The following ATOSA variants were observed in gnomAD, a reference collection of about 807,000 sequenced individuals.
ATOSA encodes the protein atos homolog A, also known as atos homolog protein A.
the ATOSA span, among the ~76,000 whole-genome samples, chr15:52,616,117 A>G: frequency 6.6e-6 from 1 of 152,210 alleles, no homozygotes; most frequent in Non-Finnish European, 1.5e-5. Context: ...CCAAATACAT[A>G]TTATAACGTA....
At chr15:52,614,511 C>G in the ATOSA span, among the ~76,000 whole-genome samples, 1 of 151,952 alleles carries the variant, frequency 6.6e-6, no homozygotes, top group Non-Finnish European at 1.5e-5. Flanking sequence ...AAAAACAACT[C>G]ATTATTCAGA....
chr15:52,625,432 T>C, the ATOSA span, among the ~76,000 whole-genome samples: 1 of 152,206 alleles, frequency 6.6e-6, no homozygotes, highest in Non-Finnish European at 1.5e-5. Flanking sequence ...TATTTTCTAA[T>C]ATGAAAATAC....
At chr15:52,643,529 T>A in the ATOSA span, among the ~76,000 whole-genome samples, 3 of 149,950 alleles carry the variant, frequency 2.0e-5, no homozygotes, top group African/African-American at 7.4e-5. Context: ...GCTCAAGTGA[T>A]CCTCCTGCCT....
At chr15:52,613,589 T>C in the ATOSA span, 31 of 1,367,952 alleles carry the variant, frequency 2.3e-5, no homozygotes, top group Non-Finnish European at 3.0e-5. Context: ...AATATGACAA[T>C]TATAACTGTA....
the ATOSA span, among the ~76,000 whole-genome samples, chr15:52,591,100 C>A: frequency 6.6e-6 from 1 of 152,206 alleles, no homozygotes; most frequent in Non-Finnish European, 1.5e-5. Context: ...GTTCAAGTTA[C>A]CTCTTGCTCA....
chr15:52,619,050 A>G, the ATOSA span, among the ~76,000 whole-genome samples: 13 of 152,324 alleles, frequency 8.5e-5, no homozygotes, highest in African/African-American at 2.6e-4. Flanking sequence ...TTAATTACCA[A>G]TGTAACTATT....
the ATOSA span, among the ~76,000 whole-genome samples, chr15:52,683,320 C>T: frequency 9.9e-4 from 151 of 152,232 alleles, no homozygotes; most frequent in African/African-American, 2.5e-3. Context: ...AGAAGGCAGC[C>T]GCTTCCTGAA....
At chr15:52,610,421 T>C in the ATOSA span, 2 of 1,549,434 alleles carry the variant, frequency 1.3e-6, no homozygotes, top group Admixed American at 1.9e-5. Flanking sequence ...TATTGGATTA[T>C]AAAGGTTAGA....
the ATOSA span, among the ~76,000 whole-genome samples, chr15:52,617,456 T>C: frequency 2.0e-5 from 3 of 152,156 alleles, no homozygotes; most frequent in Non-Finnish European, 2.9e-5. Context: ...TATGGTATTT[T>C]ATGGCAGCCT....
At chr15:52,671,976 T>C in the ATOSA span, among the ~76,000 whole-genome samples, 3 of 151,826 alleles carry the variant, frequency 2.0e-5, no homozygotes, top group Non-Finnish European at 4.4e-5. Context: ...GTATTACACA[T>C]GGGCTCTTAG....
At chr15:52,630,903 T>C in the ATOSA span, among the ~76,000 whole-genome samples, 1 of 152,216 alleles carries the variant, frequency 6.6e-6, no homozygotes, top group African/African-American at 2.4e-5. Flanking sequence ...AGGATGATTC[T>C]ATTTGCATAA....
the ATOSA span, among the ~76,000 whole-genome samples, chr15:52,672,743 T>C: frequency 3.3e-5 from 5 of 152,374 alleles, no homozygotes; most frequent in South Asian, 8.3e-4. Flanking sequence ...TCTCCTTATA[T>C]ACACATTTGC....
At chr15:52,582,434 CATG>C in the ATOSA span, 1 of 735,798 alleles carries the variant, frequency 1.4e-6, no homozygotes, top group African/African-American at 1.9e-5. Context: ...AACTCTTTAA[CATG>C]ATATTTAAGA....
chr15:52,638,974 A>C, the ATOSA span, among the ~76,000 whole-genome samples: 2 of 152,004 alleles, frequency 1.3e-5, no homozygotes, highest in African/African-American at 2.4e-5. Flanking sequence ...CTCCCTTGGG[A>C]AGCACTGATT....
chr15:52,641,775 C>A, the ATOSA span, among the ~76,000 whole-genome samples: 1 of 152,190 alleles, frequency 6.6e-6, no homozygotes, highest in African/African-American at 2.4e-5. Flanking sequence ...AACACATTTT[C>A]TGATTTTTTC....
the ATOSA span, chr15:52,586,873 T>C: frequency 3.4e-6 from 1 of 292,020 alleles, no homozygotes; most frequent in South Asian, 1.2e-4. Context: ...ACCAGTAATA[T>C]TAGGTTCTAA....
At chr15:52,700,284 A>G in the ATOSA span, among the ~76,000 whole-genome samples, 1 of 152,234 alleles carries the variant, frequency 6.6e-6, no homozygotes, top group African/African-American at 2.4e-5. Context: ...GTCCACGTGT[A>G]AAGTTCCTAA....
the ATOSA span, among the ~76,000 whole-genome samples, chr15:52,604,285 T>C: frequency 6.6e-6 from 1 of 152,214 alleles, no homozygotes; most frequent in Non-Finnish European, 1.5e-5. Flanking sequence ...CAAAATCCAT[T>C]TGGAATTTTT....
At chr15:52,618,239 C>T in the ATOSA span, among the ~76,000 whole-genome samples, 1 of 152,110 alleles carries the variant, frequency 6.6e-6, no homozygotes. Flanking sequence ...CGGGGTTTCA[C>T]CGTGTTAGCC....
Sources: gnomAD v4.1 joint callset for allele counts (sites outside exome capture counted in the v4.1 genomes callset) on GRCh38, gnomAD v4.1.1 for gene constraint, MANE v1.5 for transcripts, NCBI Gene and HGNC (gene_info 2026-07-23, HGNC 2026-07-21) for gene names.